RBMS3: variants seen among roughly 807,000 people sequenced by gnomAD.
The protein encoded by RBMS3 is RNA binding motif single stranded interacting protein 3.
In RBMS3, 27 loss-of-function variants were observed where a neutral mutation model predicts 66.8. The observed-to-expected ratio is 0.40, with a 90% CI of 0.30 to 0.56. RBMS3 has a LOEUF of 0.56. RBMS3 is among the 20% of genes least tolerant of loss of function. RBMS3 has a pLI of 0.40. For synonymous variants in RBMS3, 188 were observed against 183.0 expected (o/e 1.03, Z -0.22); for missense variants, 513 against 549.5 (o/e 0.93, Z 0.66).
At chr3:29,532,720 T>C (rs887757315) in intron 3 of RBMS3, among the ~76,000 whole-genome samples, 1 of 152,104 alleles carries the variant, frequency 6.6e-6, no homozygotes. Context: ...CGTAGCCAGA[T>C]CCAGTCTCTA....
chr3:29,626,645 T>G lies in RBMS3; in HGVS notation c.399+39440T>G, dbSNP rs139553088. Among the ~76,000 whole-genome samples, 35 of 152,332 alleles carry G rather than the reference T, an allele frequency of 2.3e-4. 1 individual carries two copies. The East Asian group carries it at 6.5e-3, about 29-fold the overall frequency. ...ATAAAATGGGAATATACAGATATTG[T>G]AGTGGAAACATCAATATGAGGAGTT... On this transcript the variant is annotated intron_variant, in intron 4 of 14. Coordinates refer to ENST00000383767, the MANE Select transcript of RBMS3 (RefSeq NM_001003793.3).
At chr3:29,461,137 A>G (rs1383430918) in intron 2 of RBMS3, among the ~76,000 whole-genome samples, 1 of 152,054 alleles carries the variant, frequency 6.6e-6, no homozygotes, top group Non-Finnish European at 1.5e-5. Flanking sequence ...TTACCATAAC[A>G]TTTCATTTTC....
At chr3:29,560,174 A>C (rs1318800596) in intron 3 of RBMS3, among the ~76,000 whole-genome samples, 1 of 152,206 alleles carries the variant, frequency 6.6e-6, no homozygotes, top group Non-Finnish European at 1.5e-5. Flanking sequence ...TACCAGATGG[A>C]GTTTCCTGCA....
At chr3:29,311,421 C>T (rs990269801) in intron 1 of RBMS3, among the ~76,000 whole-genome samples, 17 of 151,582 alleles carry the variant, frequency 1.1e-4, no homozygotes, top group Admixed American at 7.9e-4. Flanking sequence ...GGTCTGAGTG[C>T]GAGGTGCACT....
intron 4 of RBMS3, among the ~76,000 whole-genome samples, chr3:29,609,302 A>G (rs1445155743): frequency 6.6e-6 from 1 of 151,992 alleles, no homozygotes; most frequent in Non-Finnish European, 1.5e-5. Context: ...CAACTGCAGT[A>G]TTGGACTGGC....
At chr3:29,463,676 C>T (rs1185742514) in intron 2 of RBMS3, among the ~76,000 whole-genome samples, 1 of 150,338 alleles carries the variant, frequency 6.7e-6, no homozygotes, top group Non-Finnish European at 1.5e-5. Flanking sequence ...GGCTCTATAG[C>T]ACTACTCTGG....
chr3:29,739,589 C>T (rs2054543309), intron 4 of RBMS3, 131 bp from the exon 5 acceptor site: 2 of 719,004 alleles, frequency 2.8e-6, no homozygotes, highest in Non-Finnish European at 4.3e-6. Context: ...AAGTAATGCC[C>T]CTAGTGAAAG....
At chr3:29,367,510 C>A (rs2037974038) in intron 1 of RBMS3, among the ~76,000 whole-genome samples, 1 of 151,982 alleles carries the variant, frequency 6.6e-6, no homozygotes, top group African/African-American at 2.4e-5. Flanking sequence ...TCTCCATATT[C>A]CAAATTGGCT....
chr3:29,645,464 C>T (rs2049884302), intron 4 of RBMS3, among the ~76,000 whole-genome samples: 1 of 152,080 alleles, frequency 6.6e-6, no homozygotes. Context: ...TCCATTATTG[C>T]CATTTATGAA....
intron 3 of RBMS3, among the ~76,000 whole-genome samples, chr3:29,519,038 GT>G (rs2044750865): frequency 6.6e-6 from 1 of 152,124 alleles, no homozygotes; most frequent in African/African-American, 2.4e-5. Flanking sequence ...GTATTTTCGT[GT>G]TCCAAAAGAA....
chr3:29,829,961 C>T (rs1009570257), intron 6 of RBMS3, among the ~76,000 whole-genome samples: 4 of 150,092 alleles, frequency 2.7e-5, no homozygotes, highest in Non-Finnish European at 4.4e-5. Flanking sequence ...CTACTCACTA[C>T]TTTGTTCAAG....
At chr3:29,457,632 G>C (rs1436362341) in intron 2 of RBMS3, among the ~76,000 whole-genome samples, 1 of 152,158 alleles carries the variant, frequency 6.6e-6, no homozygotes, top group Non-Finnish European at 1.5e-5. Flanking sequence ...TGAGGCATGA[G>C]AATCATTTGA....
At chr3:29,962,076 T>G (rs1360795703) in intron 12 of RBMS3, among the ~76,000 whole-genome samples, 4 of 145,912 alleles carry the variant, frequency 2.7e-5, no homozygotes, top group African/African-American at 7.5e-5. Context: ...TTATTATATA[T>G]TGTATATATA....
At chr3:29,850,903 C>T (rs1327490804) in intron 6 of RBMS3, among the ~76,000 whole-genome samples, 3 of 152,186 alleles carry the variant, frequency 2.0e-5, no homozygotes, top group Non-Finnish European at 1.5e-5. Flanking sequence ...TCTCCCATCA[C>T]CCTCCCCCTT....
chr3:29,803,338 C>A (rs1351916574), intron 6 of RBMS3, among the ~76,000 whole-genome samples: 2 of 152,070 alleles, frequency 1.3e-5, no homozygotes, highest in African/African-American at 4.8e-5. Flanking sequence ...AGTGGTGACT[C>A]TGAAGATGCT....
intron 4 of RBMS3, among the ~76,000 whole-genome samples, chr3:29,592,901 C>G (rs937709918): frequency 6.6e-6 from 1 of 151,140 alleles, no homozygotes; most frequent in Non-Finnish European, 1.5e-5. Context: ...AGCAAACTAT[C>G]GCAAGGACAA....
chr3:29,809,441 C>T (rs949470920), intron 6 of RBMS3, among the ~76,000 whole-genome samples: 21 of 151,616 alleles, frequency 1.4e-4, no homozygotes, highest in Non-Finnish European at 2.4e-4. Flanking sequence ...TTAGCATTTG[C>T]GCATGCACAT....
At chr3:29,691,581 T>C (rs1309945998) in intron 4 of RBMS3, among the ~76,000 whole-genome samples, 1 of 152,058 alleles carries the variant, frequency 6.6e-6, no homozygotes, top group Non-Finnish European at 1.5e-5. Flanking sequence ...AGTCAAGAAG[T>C]CCCACAGAAA....
chr3:29,613,500 A>G (rs1229591320), intron 4 of RBMS3, among the ~76,000 whole-genome samples: 1 of 152,122 alleles, frequency 6.6e-6, no homozygotes, highest in Non-Finnish European at 1.5e-5. Context: ...CTCAGTTGAA[A>G]CACAGAATAT....
Sources: allele counts gnomAD v4.1 joint callset (sites outside exome capture counted in the v4.1 genomes callset), GRCh38; gene constraint gnomAD v4.1.1; transcripts MANE v1.5; gene names NCBI Gene and HGNC (gene_info 2026-07-23, HGNC 2026-07-21).